ERICH5: variants seen among roughly 807,000 people sequenced by gnomAD.
ERICH5 encodes glutamate rich 5.
A neutral mutation model predicts 28.0 loss-of-function variants in ERICH5; 24 were observed. The observed-to-expected ratio is 0.86, with a 90% CI of 0.62 to 1.21. The LOEUF (loss-of-function observed/expected upper bound fraction) is 1.21. ERICH5 is among the 50% of genes most tolerant of loss of function. The probability of loss-of-function intolerance (pLI) is 0.00; values close to 1 mark genes in which losing one functional copy is unlikely to be tolerated. For missense variants in ERICH5, 421 were observed against 441.2 expected (o/e 0.95, Z 0.41); for synonymous variants, 163 against 157.6 (o/e 1.03, Z -0.25).
At chr8:98,064,817 A>C in intron 1 of ERICH5, 90 bp downstream of exon 1, 2 of 1,054,382 alleles carry the variant, frequency 1.9e-6, no homozygotes, top group Non-Finnish European at 2.6e-6. Flanking sequence ...TCCCGTGGCC[A>C]CCCCGCCTGG....
At chr8:98,076,109 A>T (rs1414147137) in intron 1 of ERICH5, among the ~76,000 whole-genome samples, 1 of 152,116 alleles carries the variant, frequency 6.6e-6, no homozygotes, top group South Asian at 2.1e-4. Flanking sequence ...GCTGGAGTGC[A>T]ATAGCGCGAT....
At position 98,088,915 on chromosome 8, in the gene ERICH5, G is replaced by A. The variant is rs188940108; in HGVS notation, c.59-161G>A. On this transcript the variant is annotated intron_variant, in intron 1 of 2. Transcript: ENST00000318528. ...AGACAATAAAGGGATTTGACTGGGA[G>A]AGTGTTAGGGTCATGGTATGGCCTT... Among the ~76,000 whole-genome samples, 19 of 152,318 alleles carry A rather than the reference G, an allele frequency of 1.2e-4. 1 individual carries two copies. In the East Asian group the frequency reaches 1.7e-3, roughly 14 times the overall value.
intron 1 of ERICH5, among the ~76,000 whole-genome samples, chr8:98,076,950 G>C (rs1258663892): frequency 6.6e-6 from 1 of 152,130 alleles, no homozygotes; most frequent in Non-Finnish European, 1.5e-5. Context: ...CTCACTAGCT[G>C]TGTGCCCCTC....
At chr8:98,085,177 T>C (rs1272121436) in intron 1 of ERICH5, among the ~76,000 whole-genome samples, 1 of 84,090 alleles carries the variant, frequency 1.2e-5, no homozygotes, top group Admixed American at 1.7e-4. Context: ...TTTTTTTTTT[T>C]TGAGACGGAG....
Position 98,064,741 on chromosome 8 carries a change from C to G in ERICH5, c.58+14C>G, listed in dbSNP as rs923752707. 1.4e-5 allele frequency: 21 copies of G among 1,523,756 alleles called. No individual in the cohort carries two copies. The highest frequency in any genetic ancestry group is 2.0e-5 in the Admixed American group (1 of 50,668). 94.4% of individuals were successfully genotyped at this position (1,523,756 alleles called of 1,614,324 possible). On this transcript the variant is annotated intron_variant, in intron 1 of 2. Transcript: ENST00000318528. ...GGTTCCCCAGCGGTGAGCAGGGTACCGGCGCCGCCCGCGCCCGGGCTGGGG... is the reference window on the plus strand; with the variant it reads ...GGTTCCCCAGCGGTGAGCAGGGTACGGGCGCCGCCCGCGCCCGGGCTGGGG...
chr8:98,071,124 C>T (rs1008181996), intron 1 of ERICH5, among the ~76,000 whole-genome samples: 3 of 151,988 alleles, frequency 2.0e-5, no homozygotes, highest in Admixed American at 6.6e-5. Context: ...ATTTTCTGGA[C>T]GTGGTGGCAG....
rs1815354983 is a variant in ERICH5 at position 98,090,001 on chromosome 8, T to A, written c.984T>A (p.His328Gln). ...GAYVEMIRNI[H>Q]TNEEDQRIEG... ...ATGTGGAAATGATCAGGAACATCCA[T>A]ACTAATGAAGAGGACCAACGCATTG... Residue 328 changes from histidine to glutamine, a missense_variant, in exon 2 of 3, where the codon CAT (histidine) becomes CAA (glutamine). Physicochemically the swap from His to Gln is conservative, Grantham distance 24. Transcript: ENST00000318528. The A allele has an allele frequency of 6.2e-7, 1 of 1,613,172 alleles. No individual in the cohort carries two copies. Among genetic ancestry groups the A allele is most frequent in the Non-Finnish European group, 8.5e-7 (1 of 1,179,732 alleles).
chr8:98,077,249 C>T (rs1171722819), intron 1 of ERICH5, among the ~76,000 whole-genome samples: 2 of 152,198 alleles, frequency 1.3e-5, no homozygotes, highest in African/African-American at 4.8e-5. Context: ...TGTTCCCCTT[C>T]CCAGAGGAGC....
chr8:98,091,872 CTTTCTTTCTTTCTTTCTTTCTTTCT>C (rs1815397236), intron 2 of ERICH5, among the ~76,000 whole-genome samples: 4 of 88,546 alleles, frequency 4.5e-5, no homozygotes, highest in African/African-American at 1.7e-4. Flanking sequence ...TTCTTTCTTT[CTTTCTTTCTTTCTTTCTTTCTTTCT>C]TTCCTTTCTT....
At chr8:98,065,802 T>TCTCTTAG (rs1265884129) in intron 1 of ERICH5, among the ~76,000 whole-genome samples, 1 of 152,216 alleles carries the variant, frequency 6.6e-6, no homozygotes, top group Admixed American at 6.5e-5. Context: ...GAATTCCTTT[T>TCTCTTAG]CACAGATTTT....
intron 1 of ERICH5, among the ~76,000 whole-genome samples, chr8:98,086,819 T>C (rs1265143893): frequency 6.6e-6 from 1 of 150,844 alleles, no homozygotes; most frequent in Admixed American, 6.6e-5. Context: ...GGCGTGGTGG[T>C]GGGTGCCTGT....
intron 1 of ERICH5, among the ~76,000 whole-genome samples, chr8:98,065,727 A>C (rs950050635): frequency 6.6e-6 from 1 of 152,240 alleles, no homozygotes; most frequent in Non-Finnish European, 1.5e-5. Context: ...AGGTTAAGCA[A>C]ACTCCGTCAA....
chr8:98,074,136 A>G (rs963219780), intron 1 of ERICH5, among the ~76,000 whole-genome samples: 4 of 151,834 alleles, frequency 2.6e-5, no homozygotes, highest in African/African-American at 7.3e-5. Context: ...GACTCAAGGT[A>G]TCCGCCTGCC....
chr8:98,064,730 G>A lies in ERICH5; in HGVS notation c.58+3G>A. ...CGACAGCAGCAGGTTCCCCAGCGGT[G>A]AGCAGGGTACCGGCGCCGCCCGCGC... On this transcript the variant is annotated splice_donor_region_variant and intron_variant, in intron 1 of 2. Coordinates refer to ENST00000318528, the MANE Select transcript of ERICH5 (RefSeq NM_173549.3). The A allele has an allele frequency of 1.3e-6, 2 of 1,529,878 alleles. No homozygotes were observed. The highest frequency in any genetic ancestry group is 2.5e-5 in the East Asian group (1 of 40,728). The allele number at this position is 1,529,878 out of a possible 1,614,324, so 94.8% of individuals were successfully genotyped here.
At position 98,091,895 on chromosome 8, in the gene ERICH5, T is replaced by TCCTTC. The variant is rs1262900744; in HGVS notation, c.1013-1325_1013-1324insCTTCC. The stretch of plus-strand genomic sequence containing the variant: ...TTCTTTCTTTCTTTCTTTCTTTCTT[T>TCCTTC]CTTTCCTTTCTTTCTTTCTTTCTTC... On this transcript the variant is annotated intron_variant, in intron 2 of 2. Coordinates refer to ENST00000318528, the MANE Select transcript of ERICH5 (RefSeq NM_173549.3). Among the ~76,000 whole-genome samples, 3 of 79,550 alleles carry TCCTTC rather than the reference T, an allele frequency of 3.8e-5. No individual in the cohort carries two copies. In the Admixed American group the frequency reaches 4.5e-4, roughly 12 times the overall value. The allele number at this position is 79,550 out of a possible 152,430, so 52.2% of individuals were successfully genotyped here.
chr8:98,064,688 G>C lies in ERICH5; in HGVS notation c.19G>C (p.Ala7Pro). MGCSSS[A>P]LNKAGDSSRF... ...CCCCGCAATGGGCTGCTCCAGCAGC[G>C]CCCTCAACAAGGCCGGCGACAGCAG... Residue 7 changes from alanine to proline, a missense_variant, in exon 1 of 3, where the codon GCC (alanine) becomes CCC (proline). Coordinates refer to ENST00000318528, the MANE Select transcript of ERICH5 (RefSeq NM_173549.3). 1 of 1,536,050 alleles carries C rather than the reference G, an allele frequency of 6.5e-7. No homozygotes were observed. The highest frequency in any genetic ancestry group is 1.4e-5 in the African/African-American group (1 of 73,036).
At position 98,089,364 on chromosome 8, in the gene ERICH5, C is replaced by G; in HGVS notation, c.347C>G (p.Pro116Arg). ...GAGGGACTGGAGGAATCTGGGCCGC[C>G]TCAACCAGGTGGCAAAGAGGATGCC... ...PGEGLEESGP[P>R]QPGGKEDAPA... The change falls in exon 2 of 3, where the codon CCT becomes CGT. Residue 116 changes from proline (P) to arginine (R), a missense_variant. By Grantham distance (103) the Pro-to-Arg change is moderately radical (BLOSUM62 -2). Transcript: ENST00000318528. 1 of 1,614,220 alleles carries G rather than the reference C, an allele frequency of 6.2e-7. No homozygotes were observed.
At chr8:98,087,323 T>G (rs1815300459) in intron 1 of ERICH5, among the ~76,000 whole-genome samples, 1 of 152,186 alleles carries the variant, frequency 6.6e-6, no homozygotes, top group Non-Finnish European at 1.5e-5. Context: ...AAATATTTCT[T>G]TTTTAGAAGG....
intron 2 of ERICH5, among the ~76,000 whole-genome samples, chr8:98,091,790 C>G (rs772262433): frequency 3.0e-4 from 45 of 152,120 alleles, no homozygotes; most frequent in Admixed American, 2.6e-3. Context: ...CCTGGACCAC[C>G]CTTTGATTTA....
Sources: gnomAD v4.1 joint callset for allele counts (sites outside exome capture counted in the v4.1 genomes callset) on GRCh38, gnomAD v4.1.1 for gene constraint, MANE v1.5 for transcripts, NCBI Gene and HGNC (gene_info 2026-07-23, HGNC 2026-07-21) for gene names.